Variants in FHAD1 observed in about 807,000 individuals in gnomAD.
The protein encoded by FHAD1 is forkhead associated phosphopeptide binding domain 1, also known as forkhead-associated domain-containing protein 1.
FHAD1 carries 146 observed loss-of-function variants against 191.3 expected under a neutral mutation model. The observed-to-expected ratio is 0.76, with a 90% confidence interval of 0.67 to 0.88. FHAD1 has a LOEUF of 0.88. FHAD1 is among the 40% of genes least tolerant of loss of function. The pLI, the probability that FHAD1 is intolerant of heterozygous loss-of-function variation, is 0.00. For missense variants in FHAD1, 1,635 were observed against 1,785.8 expected, an observed-to-expected ratio of 0.92 and a Z score of 1.52; for synonymous variants, 616 against 672.3, an observed-to-expected ratio of 0.92 and a Z score of 1.29.
At chr1:15,391,449 T>G (rs1704020069) in intron 33 of FHAD1, among the ~76,000 whole-genome samples, 186 bp downstream of exon 33, 1 of 152,186 alleles carries the variant, frequency 6.6e-6, no homozygotes, top group Non-Finnish European at 1.5e-5. Flanking sequence ...TGCCTCGGCC[T>G]CCCAAAGCAC....
At chr1:15,380,836 C>T (rs778510356) in intron 29 of FHAD1, 40 bp downstream of exon 29, 2 of 1,478,232 alleles carry the variant, frequency 1.4e-6, no homozygotes, top group South Asian at 1.2e-5. Context: ...TATCCAAAGC[C>T]TGGGGCCCCT....
intron 23 of FHAD1, chr1:15,363,985 T>C (rs570770752): frequency 6.2e-5 from 21 of 340,286 alleles, no homozygotes; most frequent in African/African-American, 2.8e-4. Context: ...CTCCGCATTG[T>C]GAAAAGTTCC....
chr1:15,309,549 A>G (rs950583298), intron 7 of FHAD1, among the ~76,000 whole-genome samples: 2 of 152,212 alleles, frequency 1.3e-5, no homozygotes, highest in African/African-American at 4.8e-5. Context: ...AGTGAAGGAG[A>G]ATAGCTTAGT....
intron 18 of FHAD1, among the ~76,000 whole-genome samples, chr1:15,348,236 C>A (rs1689614179): frequency 1.3e-5 from 2 of 152,184 alleles, no homozygotes; most frequent in African/African-American, 4.8e-5. Context: ...CTGGATTAAA[C>A]ACTTTTTACA....
Position 15,358,103 on chromosome 1 carries a change from T to G in FHAD1, c.2563-7T>G. ...TCTGTTATTTTGCTACTTGTTTTTT[T>G]GTCTAGGAATTAGAATTAAAAGAGC... On this transcript the variant is annotated splice_polypyrimidine_tract_variant and splice_region_variant and intron_variant, in intron 20 of 33. Coordinates refer to ENST00000688493, the MANE Select transcript of FHAD1 (RefSeq NM_001391957.1). 1.3e-6 allele frequency: 2 copies of G among 1,498,200 alleles called. No individual in the cohort carries two copies. Among genetic ancestry groups the G allele is most frequent in the Non-Finnish European group, 1.8e-6 (2 of 1,128,556 alleles). The allele number at this position is 1,498,200 out of a possible 1,614,324, so 92.8% of individuals were successfully genotyped here.
chr1:15,394,439 GCTGT>G (rs767060256), intron 33 of FHAD1, among the ~76,000 whole-genome samples: 10 of 152,188 alleles, frequency 6.6e-5, no homozygotes, highest in African/African-American at 2.2e-4. Flanking sequence ...TTTTGAGTTT[GCTGT>G]CTGTTTTCTT....
intron 2 of FHAD1, among the ~76,000 whole-genome samples, chr1:15,271,148 A>G (rs1254277019): frequency 4.7e-5 from 7 of 148,030 alleles, no homozygotes; most frequent in African/African-American, 1.0e-4. Context: ...CGGAAAAAAA[A>G]AAAAAAAAAA....
At chr1:15,306,046 G>C (rs1477875537) in intron 6 of FHAD1, among the ~76,000 whole-genome samples, 1 of 152,264 alleles carries the variant, frequency 6.6e-6, no homozygotes, top group Admixed American at 6.5e-5. Flanking sequence ...ACTTTCTAGA[G>C]ACTTGCTGAA....
At chr1:15,257,548 G>A (rs1038154081) in intron 2 of FHAD1, among the ~76,000 whole-genome samples, 2 of 152,142 alleles carry the variant, frequency 1.3e-5, no homozygotes, top group Admixed American at 6.5e-5. Context: ...AGCTGTGCTC[G>A]CACACTCAGC....
At chr1:15,359,419 A>G (rs917758791) in intron 21 of FHAD1, among the ~76,000 whole-genome samples, 7 of 152,080 alleles carry the variant, frequency 4.6e-5, no homozygotes, top group African/African-American at 1.7e-4. Context: ...GGACAGGGTG[A>G]GGTGGGAGCA....
intron 26 of FHAD1, among the ~76,000 whole-genome samples, chr1:15,373,025 T>C (rs1698559786): frequency 6.6e-6 from 1 of 152,176 alleles, no homozygotes; most frequent in Non-Finnish European, 1.5e-5. Flanking sequence ...AGGTGCTCAA[T>C]AAATCGATGT....
chr1:15,268,216 A>G (rs1016349429), intron 2 of FHAD1, among the ~76,000 whole-genome samples: 4 of 137,380 alleles, frequency 2.9e-5, no homozygotes, highest in Non-Finnish European at 4.5e-5. Context: ...TCATTGTTCA[A>G]TTCCCACCTA....
chr1:15,241,989 C>G (rs1168838403), intron 1 of FHAD1, among the ~76,000 whole-genome samples: 2 of 152,172 alleles, frequency 1.3e-5, no homozygotes, highest in South Asian at 2.1e-4. Flanking sequence ...AATCCCAGCA[C>G]TCTGGGAAGC....
intron 27 of FHAD1, among the ~76,000 whole-genome samples, chr1:15,374,848 G>GTTTTTGGT (rs1699106627): frequency 1.1e-4 from 12 of 107,638 alleles, no homozygotes; most frequent in African/African-American, 6.8e-4. Flanking sequence ...ACTATTGTAC[G>GTTTTTGGT]TTTTTTTTTT....
At chr1:15,260,916 C>G (rs1360075010) in intron 2 of FHAD1, among the ~76,000 whole-genome samples, 2 of 152,180 alleles carry the variant, frequency 1.3e-5, no homozygotes, top group East Asian at 3.9e-4. Flanking sequence ...CTCACGGGTT[C>G]CAGGGATTAG....
chr1:15,314,631 GTA>G (rs1289350362), intron 8 of FHAD1: 2 of 91,010 alleles, frequency 2.2e-5, no homozygotes, highest in African/African-American at 4.7e-5. Flanking sequence ...GTGTGAGGAT[GTA>G]TGTGGGTGTG....
In FHAD1 at chr1:15,329,283, G is replaced by T. The variant is rs1434848971; in HGVS notation, c.1711-63G>T. On this transcript the variant is annotated intron_variant, in intron 13 of 33. Transcript: ENST00000688493. The surrounding 1 kb of genome is among the most constrained non-coding windows in gnomAD (Gnocchi z 5.0). ...GAGTCAAGAACGCTGTTCCTCGAAG[G>T]TCACGTCAGGGGCTATTTCTGGCCA... The T allele has an allele frequency of 1.5e-6, 2 of 1,366,016 alleles. No homozygotes were observed. The highest frequency in any genetic ancestry group is 2.0e-6 in the Non-Finnish European group (2 of 1,018,050). 84.6% of individuals were successfully genotyped at this position (1,366,016 alleles called of 1,614,324 possible). A position where few individuals can be genotyped will look rare whatever the true frequency, so the allele number is the denominator to read the frequency against.
At chr1:15,313,746 A>G (rs1395802463) in intron 8 of FHAD1, among the ~76,000 whole-genome samples, 2 of 152,136 alleles carry the variant, frequency 1.3e-5, no homozygotes, top group African/African-American at 4.8e-5. Context: ...GTGTGGAGTG[A>G]ACCTGGTAGG....
At chr1:15,243,642 A>C (rs1292904008), upstream of FHAD1, among the ~76,000 whole-genome samples, 1 of 152,248 alleles carries the variant, frequency 6.6e-6, no homozygotes, top group Non-Finnish European at 1.5e-5. Context: ...ACGGGGGCAG[A>C]AGTTCTGCAG....
Sources: gnomAD v4.1 joint callset for allele counts (sites outside exome capture counted in the v4.1 genomes callset) on GRCh38, gnomAD v4.1.1 for gene constraint, Gnocchi (gnomAD v3.1) non-coding constraint, MANE v1.5 for transcripts, NCBI Gene and HGNC (gene_info 2026-07-23, HGNC 2026-07-21) for gene names.